BCKDHB: variants seen among roughly 807,000 people sequenced by gnomAD.
The protein encoded by BCKDHB is 2-oxoisovalerate dehydrogenase subunit beta, mitochondrial.
BCKDHB carries 41 observed loss-of-function variants against 48.5 expected under a neutral mutation model. The observed-to-expected ratio is 0.85, with a 90% CI of 0.66 to 1.10. BCKDHB has a LOEUF of 1.10. Among genes scored for constraint, BCKDHB ranks in the 50% least tolerant of loss-of-function variants. BCKDHB has a pLI of 0.00. For missense variants in BCKDHB, 496 were observed against 494.2 expected, an observed-to-expected ratio of 1.00 and a Z score of -0.03; for synonymous variants, 201 against 174.8, an observed-to-expected ratio of 1.15 and a Z score of -1.18.
At position 80,167,760 on chromosome 6, in the gene BCKDHB, T is replaced by G. The variant is rs750324428; in HGVS notation, c.426T>G (p.Thr142=). Residue 142 remains threonine (T), a synonymous_variant, in exon 4 of 10, where the codon ACT becomes ACG. Transcript: ENST00000320393. The part of the protein sequence containing the change: ...FGIGIAVTGA[T]AIAEIQFADY... ...TCGGAATTGCGGTCACTGGAGCTAC[T>G]GCCATTGCGGAAATTCAGTTTGCAG... The G allele has an allele frequency of 1.9e-6, 3 of 1,613,908 alleles. No homozygotes were observed. Among genetic ancestry groups the G allele is most frequent in the Admixed American group, 3.3e-5 (2 of 60,030 alleles).
At chr6:80,435,744 G>A in the BCKDHB span, among the ~76,000 whole-genome samples, 1 of 152,132 alleles carries the variant, frequency 6.6e-6, no homozygotes, top group Non-Finnish European at 1.5e-5. Context: ...GGTCATAAGA[G>A]ACTTTTCAGC....
chr6:80,289,978 C>T (rs1766828775), intron 9 of BCKDHB, among the ~76,000 whole-genome samples: 1 of 152,126 alleles, frequency 6.6e-6, no homozygotes, highest in African/African-American at 2.4e-5. Flanking sequence ...TGCCTGCTGG[C>T]CCCACCCAGG....
chr6:80,349,746 C>T (rs1770343629), downstream of BCKDHB, among the ~76,000 whole-genome samples: 4 of 151,892 alleles, frequency 2.6e-5, no homozygotes, highest in South Asian at 2.1e-4. Context: ...CAGTTAAATC[C>T]TTTATGTTAC....
intron 9 of BCKDHB, among the ~76,000 whole-genome samples, chr6:80,306,383 A>G (rs75118671): frequency 0.015 from 2,342 of 152,312 alleles, 82 homozygotes; most frequent in African/African-American, 0.053. Flanking sequence ...AATGAACAGC[A>G]TGATTACTGA....
intron 9 of BCKDHB, among the ~76,000 whole-genome samples, chr6:80,302,282 G>C (rs779440261): frequency 6.6e-6 from 1 of 152,154 alleles, no homozygotes; most frequent in Non-Finnish European, 1.5e-5. Context: ...TACTAGAACT[G>C]ATAAACAATT....
the BCKDHB span, chr6:80,454,012 G>A: frequency 1.3e-5 from 2 of 152,158 alleles, no homozygotes; most frequent in African/African-American, 4.8e-5. Flanking sequence ...GTTGAGCCCT[G>A]TGACATGAGC....
At chr6:80,181,553 A>G (rs191779906) in intron 6 of BCKDHB, among the ~76,000 whole-genome samples, 30 of 152,230 alleles carry the variant, frequency 2.0e-4, no homozygotes, top group African/African-American at 6.5e-4. Flanking sequence ...AGTCAGTTGT[A>G]GGTCAGGTGT....
the BCKDHB span, among the ~76,000 whole-genome samples, chr6:80,461,941 A>G: frequency 6.6e-6 from 1 of 152,166 alleles, no homozygotes; most frequent in East Asian, 1.9e-4. Context: ...AAATGCTTGG[A>G]GATTTTGAAC....
intron 8 of BCKDHB, among the ~76,000 whole-genome samples, chr6:80,253,314 C>T (rs1393048940): frequency 1.3e-5 from 2 of 152,080 alleles, no homozygotes; most frequent in African/African-American, 2.4e-5. Flanking sequence ...CTGGGAAGTA[C>T]CTTAGAAGAG....
At chr6:80,311,911 C>T (rs893601221) in intron 9 of BCKDHB, among the ~76,000 whole-genome samples, 29 of 152,150 alleles carry the variant, frequency 1.9e-4, no homozygotes, top group Non-Finnish European at 8.8e-5. Flanking sequence ...GCTATTTGGG[C>T]TCTTTTCAGG....
At chr6:80,442,147 A>G in the BCKDHB span, among the ~76,000 whole-genome samples, 1 of 152,188 alleles carries the variant, frequency 6.6e-6, no homozygotes, top group African/African-American at 2.4e-5. Context: ...TAAATAATGT[A>G]TTCACAGATA....
chr6:80,388,439 G>A, the BCKDHB span, among the ~76,000 whole-genome samples: 8 of 152,238 alleles, frequency 5.3e-5, no homozygotes, highest in East Asian at 1.4e-3. Flanking sequence ...CTGAGCTTTG[G>A]TAGAAACTAG....
chr6:80,392,203 A>T, the BCKDHB span, among the ~76,000 whole-genome samples: 2 of 152,120 alleles, frequency 1.3e-5, no homozygotes, highest in Non-Finnish European at 2.9e-5. Context: ...TATGTTGTCC[A>T]GGCTGGTCTC....
chr6:80,415,653 T>G, the BCKDHB span, among the ~76,000 whole-genome samples: 13 of 152,274 alleles, frequency 8.5e-5, no homozygotes, highest in East Asian at 5.8e-4. Flanking sequence ...CTTTTTGGTG[T>G]GTTGCTGGAT....
At chr6:80,442,907 T>G in the BCKDHB span, among the ~76,000 whole-genome samples, 1 of 152,330 alleles carries the variant, frequency 6.6e-6, no homozygotes, top group South Asian at 2.1e-4. Flanking sequence ...CACCTCCTTC[T>G]GTGTAATGTG....
Position 80,291,408 on chromosome 6 carries a change from G to A in BCKDHB, c.1038+18187G>A, listed in dbSNP as rs1766907375. Among the ~76,000 whole-genome samples, 3 of 152,190 alleles carry A rather than the reference G, an allele frequency of 2.0e-5. No individual in the cohort carries two copies. The East Asian group carries it at 5.8e-4, about 29-fold the overall frequency. ...TGAGTTCTGACAGAATGTGATATCT[G>A]GAATATTAATAAGTATTTAAGAAAA... On this transcript the variant is annotated intron_variant, in intron 9 of 9. Transcript: ENST00000320393.
intron 9 of BCKDHB, among the ~76,000 whole-genome samples, chr6:80,327,237 G>C (rs1255387648): frequency 6.6e-6 from 1 of 152,064 alleles, no homozygotes; most frequent in Non-Finnish European, 1.5e-5. Context: ...CTTTAAGTGT[G>C]GTCATTAGCC....
chr6:80,443,345 T>A, the BCKDHB span: 1 of 152,168 alleles, frequency 6.6e-6, no homozygotes, highest in Admixed American at 6.6e-5. Context: ...CTTTGTGTAA[T>A]AATTTTGTGT....
chr6:80,420,923 G>A, the BCKDHB span, among the ~76,000 whole-genome samples: 1 of 152,190 alleles, frequency 6.6e-6, no homozygotes, highest in Admixed American at 6.5e-5. Flanking sequence ...TTCCTTGGGG[G>A]ATGAGTGACA....
Sources: allele counts gnomAD v4.1 joint callset (sites outside exome capture counted in the v4.1 genomes callset), GRCh38; gene constraint gnomAD v4.1.1; transcripts MANE v1.5; gene names NCBI Gene and HGNC (gene_info 2026-07-23, HGNC 2026-07-21).